UGT1A1: variants seen among roughly 807,000 people sequenced by gnomAD.
The protein encoded by UGT1A1 is UDP-glucuronosyltransferase 1A1.
Under a neutral mutation model 40.6 loss-of-function variants are expected in UGT1A1, and 33 were observed. That is an observed-to-expected ratio of 0.81 (90% CI 0.62 to 1.09). The LOEUF (loss-of-function observed/expected upper bound fraction) is 1.09. Among genes scored for constraint, UGT1A1 ranks in the 50% least tolerant of loss-of-function variants. The probability of loss-of-function intolerance (pLI) is 0.00; values close to 1 mark genes in which losing one functional copy is unlikely to be tolerated. For missense variants in UGT1A1, 694 were observed against 671.2 expected (o/e 1.03, Z -0.38); for synonymous variants, 249 against 265.0 (o/e 0.94, Z 0.59).
In UGT1A1 at chr2:233,760,528, G is replaced by A. The variant is rs2125985500; in HGVS notation, c.241G>A (p.Val81Met). ...GAFYTLKTYP[V>M]PFQREDVKES... is the part of the protein sequence containing the mutation. ...ATTTTACACCTTGAAGACGTACCCT[G>A]TGCCATTCCAAAGGGAGGATGTGAA... Residue 81 changes from valine to methionine, a missense_variant, in exon 1 of 5, where the codon GTG (valine) becomes ATG (methionine). Coordinates refer to ENST00000305208, the MANE Select transcript of UGT1A1 (RefSeq NM_000463.3). 1.2e-6 allele frequency: 2 copies of A among 1,614,248 alleles called. No homozygotes were observed. The highest frequency in any genetic ancestry group is 4.5e-5 in the East Asian group (2 of 44,890).
rs1274189847 is a variant in UGT1A1, at chr2:233,773,108, T to A, written c.*549T>A. 6.4e-6 allele frequency: 1 copy of A among 155,390 alleles called. No individual in the cohort carries two copies. The highest frequency in any genetic ancestry group is 2.4e-5 in the African/African-American group (1 of 41,446). The allele number at this position is 155,390 out of a possible 1,614,324, so 9.6% of individuals were successfully genotyped here. A position where few individuals can be genotyped will look rare whatever the true frequency, so the allele number is the denominator to read the frequency against. On this transcript the variant is annotated 3_prime_UTR_variant, in exon 5 of 5. Coordinates refer to ENST00000305208, the MANE Select transcript of UGT1A1 (RefSeq NM_000463.3). ...AGTGCACTGAGAACAGCATATGATT[T>A]CTTGCTTTGGGGAAAAAGAATGATG...
At chr2:233,771,760 C>T (rs1700368197) in intron 4 of UGT1A1, 1 of 153,596 alleles carries the variant, frequency 6.5e-6, no homozygotes, top group Non-Finnish European at 1.4e-5. Context: ...CCCTTCCTTC[C>T]TCCGTCCCTC....
At position 233,767,942 on chromosome 2, in the gene UGT1A1, T is replaced by A; in HGVS notation, c.1084+6T>A. On this transcript the variant is annotated splice_donor_region_variant and intron_variant, in intron 3 of 4. Transcript: ENST00000305208. ...ACCCCAAAACGATCTGCTTGGTATG[T>A]TGGGCGGATTGGATGTATAGGTCAA... is the stretch of plus-strand genomic sequence containing the variant. 1 of 1,614,210 alleles carries A rather than the reference T, an allele frequency of 6.2e-7. No individual in the cohort carries two copies. The highest frequency in any genetic ancestry group is 1.3e-5 in the African/African-American group (1 of 75,040).
Position 233,760,774 on chromosome 2 carries a change from T to C in UGT1A1, c.487T>C (p.Tyr163His). Residue 163 changes from tyrosine to histidine, a missense_variant, in exon 1 of 5, where the codon TAC (tyrosine) becomes CAC (histidine). By Grantham distance (83) the Tyr-to-His change is moderately conservative. Transcript: ENST00000305208. ...FLPCSPIVAQ[Y>H]LSLPTVFFLH... ...TCCTTGCAGCCCCATCGTGGCCCAG[T>C]ACCTGTCTCTGCCCACTGTATTCTT... 1 of 1,613,992 alleles carries C rather than the reference T, an allele frequency of 6.2e-7. No individual in the cohort carries two copies. Among genetic ancestry groups the C allele is most frequent in the Non-Finnish European group, 8.5e-7 (1 of 1,179,884 alleles).
chr2:233,760,902 C>T lies in UGT1A1; in HGVS notation c.615C>T (p.Thr205=), dbSNP rs1400244302. ...RPLSSHSDHM[T]FLQRVKNMLI... ...TCTCCTCTCATTCAGATCACATGAC[C>T]TTCCTGCAGCGGGTGAAGAACATGC... Residue 205 remains threonine (T), a synonymous_variant, in exon 1 of 5, where the codon ACC becomes ACT. Coordinates refer to ENST00000305208, the MANE Select transcript of UGT1A1 (RefSeq NM_000463.3). 4.3e-6 allele frequency: 7 copies of T among 1,613,974 alleles called. No homozygotes were observed. The highest frequency in any genetic ancestry group is 5.9e-6 in the Non-Finnish European group (7 of 1,180,014).
Position 233,769,646 on chromosome 2 carries a change from C to T in UGT1A1, c.1304+1207C>T, listed in dbSNP as rs1053692486. 2 of 1,608,424 alleles carry T rather than the reference C, an allele frequency of 1.2e-6. No individual in the cohort carries two copies. Among genetic ancestry groups the T allele is most frequent in the Non-Finnish European group, 1.7e-6 (2 of 1,177,716 alleles). On this transcript the variant is annotated intron_variant, in intron 4 of 4. Transcript: ENST00000305208. The surrounding 1 kb of genome is among the most constrained non-coding windows in gnomAD (Gnocchi z 4.4). ...AGGGACAACAGGGGAGGACTGATGA[C>T]TGACTTCCCACCTTTGAGGTGCTAA...
intron 2 of UGT1A1, 113 bp downstream of exon 2, chr2:233,767,278 T>A: frequency 6.3e-7 from 1 of 1,578,298 alleles, no homozygotes; most frequent in Non-Finnish European, 8.5e-7. Flanking sequence ...GGCTTTTCCC[T>A]GCCACTTCCC....
rs1018382617 is a variant in UGT1A1 at position 233,760,398 on chromosome 2, C to T, written c.111C>T (p.Gly37=). The T allele has an allele frequency of 6.2e-7, 1 of 1,614,186 alleles. No individual in the cohort carries two copies. The highest frequency in any genetic ancestry group is 8.5e-7 in the Non-Finnish European group (1 of 1,180,034). ...AGKILLIPVD[G]SHWLSMLGAI... ...AGATACTGTTGATCCCAGTGGATGG[C>T]AGCCACTGGCTGAGCATGCTTGGGG... Residue 37 remains glycine (G), a synonymous_variant, in exon 1 of 5, where the codon GGC becomes GGT. Transcript: ENST00000305208.
chr2:233,767,017 T>G lies in UGT1A1; in HGVS notation c.865-17T>G, dbSNP rs779272297. On this transcript the variant is annotated splice_polypyrimidine_tract_variant and intron_variant, in intron 1 of 4. Transcript: ENST00000305208. Reference sequence around the variant, plus strand: ...ATATGAGAAAAAATTAACTGAAAATTTTTCTTCTGGCTCTAGGAATTTGAA... The same window carrying G: ...ATATGAGAAAAAATTAACTGAAAATGTTTCTTCTGGCTCTAGGAATTTGAA... The G allele has an allele frequency of 6.2e-7, 1 of 1,613,758 alleles. No individual in the cohort carries two copies. The highest frequency in any genetic ancestry group is 8.5e-7 in the Non-Finnish European group (1 of 1,179,982).
In UGT1A1 at chr2:233,760,567, A is replaced by G. The variant is rs1697488656; in HGVS notation, c.280A>G (p.Ser94Gly). The G allele has an allele frequency of 3.1e-6, 5 of 1,614,130 alleles. No individual in the cohort carries two copies. The highest frequency in any genetic ancestry group is 2.7e-5 in the African/African-American group (2 of 74,944). ...QREDVKESFV[S>G]LGHNVFENDS... ...GGAGGATGTGAAAGAGTCTTTTGTT[A>G]GTCTCGGGCATAATGTTTTTGAGAA... The change falls in exon 1 of 5, where the codon AGT becomes GGT. Residue 94 changes from serine to glycine, a missense_variant. Transcript: ENST00000305208.
chr2:233,763,802 T>C (rs1286063842), intron 1 of UGT1A1, among the ~76,000 whole-genome samples: 2 of 152,186 alleles, frequency 1.3e-5, no homozygotes, highest in Non-Finnish European at 2.9e-5. Context: ...GGAATGAAAC[T>C]CAAGAATTCC....
At position 233,769,852 on chromosome 2, in the gene UGT1A1, T is replaced by C; in HGVS notation, c.1304+1413T>C. On this transcript the variant is annotated intron_variant, in intron 4 of 4. Coordinates refer to ENST00000305208, the MANE Select transcript of UGT1A1 (RefSeq NM_000463.3). The surrounding 1 kb of genome is among the most constrained non-coding windows in gnomAD (Gnocchi z 4.4). ...CAACCTGGGCAACAGAGTGAGACCC[T>C]GTCTCAAAAAAAAAAAAAAAAATGA... The C allele has an allele frequency of 2.2e-6, 1 of 461,208 alleles. No individual in the cohort carries two copies. Among genetic ancestry groups the C allele is most frequent in the South Asian group, 5.8e-5 (1 of 17,366 alleles). The allele number at this position is 461,208 out of a possible 1,614,324, so 28.6% of individuals were successfully genotyped here.
Position 233,768,400 on chromosome 2 carries a change from A to T in UGT1A1, c.1265A>T (p.Asp422Val). The change falls in exon 4 of 5, where the codon GAT becomes GTT. Residue 422 changes from aspartate (D) to valine (V), a missense_variant. Transcript: ENST00000305208. ...TLNVLEMTSE[D>V]LENALKAVIN... ...AATGTTCTGGAAATGACTTCTGAAG[A>T]TTTAGAAAATGCTCTAAAAGCAGTC... The T allele has an allele frequency of 6.2e-7, 1 of 1,614,204 alleles. No homozygotes were observed. The highest frequency in any genetic ancestry group is 8.5e-7 in the Non-Finnish European group (1 of 1,180,040).
At chr2:233,772,225 G>A in intron 4 of UGT1A1, 37 bp from the exon 5 acceptor site, 2 of 1,613,382 alleles carry the variant, frequency 1.2e-6, no homozygotes, top group Non-Finnish European at 1.7e-6. Flanking sequence ...TCATACCACA[G>A]GTGTTCCAGG....
At position 233,769,882 on chromosome 2, in the gene UGT1A1, TC is replaced by T; in HGVS notation, c.1304+1445del. On this transcript the variant is annotated intron_variant, in intron 4 of 4. Transcript: ENST00000305208. This position sits in a 1 kb window ranked among gnomAD's most constrained non-coding sequence, Gnocchi z 4.4. The stretch of plus-strand genomic sequence containing the variant: ...CAAAAAAAAAAAAAAAAATGAAAAG[TC>T]CACATAACCTGAGCATCATGTGCCC... 1 of 408,610 alleles carries T rather than the reference TC, an allele frequency of 2.4e-6. No homozygotes were observed. Among genetic ancestry groups the T allele is most frequent in the Non-Finnish European group, 4.3e-6 (1 of 234,370 alleles). 25.3% of individuals were successfully genotyped at this position (408,610 alleles called of 1,614,324 possible).
intron 1 of UGT1A1, among the ~76,000 whole-genome samples, chr2:233,761,681 C>T (rs1697835350): frequency 6.6e-6 from 1 of 152,246 alleles, no homozygotes; most frequent in Non-Finnish European, 1.5e-5. Flanking sequence ...CAGGTTCTGA[C>T]ATGATACAGA....
rs753289474 is a variant in UGT1A1 at position 233,769,632 on chromosome 2, G to C, written c.1304+1193G>C. ...CACCAGCTTGAGCAAGGGACAACAG[G>C]GGAGGACTGATGACTGACTTCCCAC... On this transcript the variant is annotated intron_variant, in intron 4 of 4. Transcript: ENST00000305208. This position sits in a 1 kb window ranked among gnomAD's most constrained non-coding sequence, Gnocchi z 4.4. The C allele has an allele frequency of 1.7e-5, 27 of 1,611,424 alleles. No individual in the cohort carries two copies. Among genetic ancestry groups the C allele is most frequent in the Non-Finnish European group, 1.8e-5 (21 of 1,179,338 alleles).
At chr2:233,771,579 A>G (rs974224388) in intron 4 of UGT1A1, 2 of 152,312 alleles carry the variant, frequency 1.3e-5, no homozygotes, top group Non-Finnish European at 2.9e-5. Flanking sequence ...GGTTGTTTAC[A>G]ACTTCAAATA....
intron 1 of UGT1A1, among the ~76,000 whole-genome samples, chr2:233,762,901 A>G (rs545178357): frequency 1.3e-5 from 2 of 152,194 alleles, no homozygotes; most frequent in Admixed American, 6.5e-5. Flanking sequence ...GCCAAATATC[A>G]GGGCTATTGA....
Sources: allele counts gnomAD v4.1 joint callset (sites outside exome capture counted in the v4.1 genomes callset), GRCh38; gene constraint gnomAD v4.1.1; non-coding constraint Gnocchi (gnomAD v3.1); transcripts MANE v1.5; gene names NCBI Gene and HGNC (gene_info 2026-07-23, HGNC 2026-07-21).